Variants in ZC3H12B observed in about 807,000 individuals in gnomAD.
The protein encoded by ZC3H12B is probable ribonuclease ZC3H12B.
In ZC3H12B, 7 loss-of-function variants were observed where a neutral mutation model predicts 43.9. That is an observed-to-expected ratio of 0.16 (90% CI 0.09 to 0.30). The LOEUF is 0.30. ZC3H12B is among the 10% of genes least tolerant of loss of function. The probability of loss-of-function intolerance (pLI) is 1.00; values close to 1 mark genes in which losing one functional copy is unlikely to be tolerated. For missense variants in ZC3H12B, 475 were observed against 670.2 expected (o/e 0.71, Z 3.22); for synonymous variants, 222 against 241.7 (o/e 0.92, Z 0.76).
chrX:65,171,926 G>A, the ZC3H12B span, among the ~76,000 whole-genome samples: 1 of 111,499 alleles, frequency 9.0e-6, no homozygotes, highest in Non-Finnish European at 1.9e-5. Context: ...CCCAATTTTC[G>A]AGGTACCATC....
chrX:65,246,581 G>T, the ZC3H12B span, among the ~76,000 whole-genome samples: 10 of 111,960 alleles, frequency 8.9e-5, no homozygotes, highest in African/African-American at 3.2e-4. Context: ...CAATGGAACA[G>T]AATAGAGAAC....
At chrX:65,085,683 G>T in the ZC3H12B span, among the ~76,000 whole-genome samples, 1 of 109,810 alleles carries the variant, frequency 9.1e-6, no homozygotes, top group Non-Finnish European at 1.9e-5. Flanking sequence ...AAGATGGGAG[G>T]ATCTCTAGAG....
At chrX:65,342,249 G>C in the ZC3H12B span, among the ~76,000 whole-genome samples, 2 of 111,483 alleles carry the variant, frequency 1.8e-5, no homozygotes, top group African/African-American at 6.5e-5. Context: ...CAACACAGGA[G>C]CACCTGGATT....
chrX:65,372,795 C>T (rs187214392), intron 2 of ZC3H12B, among the ~76,000 whole-genome samples: 8 of 112,396 alleles, frequency 7.1e-5, no homozygotes, highest in African/African-American at 1.9e-4. Context: ...CACAAGTATG[C>T]ATCAAGGTCA....
At chrX:65,487,558 A>G (rs757344274), upstream of ZC3H12B, among the ~76,000 whole-genome samples, 4 of 111,871 alleles carry the variant, frequency 3.6e-5, no homozygotes, top group Non-Finnish European at 7.5e-5. Context: ...AAACCAAAAA[A>G]AAACAAAAAA....
intron 3 of ZC3H12B, among the ~76,000 whole-genome samples, chrX:65,449,309 A>C (rs995768318): frequency 9.0e-6 from 1 of 111,177 alleles, no homozygotes; most frequent in Non-Finnish European, 1.9e-5. Context: ...AACTTAAAAT[A>C]CATGTTGAAG....
chrX:65,507,417 C>T (rs2068436545), exon 5 of ZC3H12B: 1 of 112,347 alleles, frequency 8.9e-6, no homozygotes, highest in South Asian at 3.7e-4. Context: ...ATTTCTGGAA[C>T]CTGCTCGTCT....
rs960262230 is a variant in ZC3H12B, at chrX:65,472,381, TG to T, written n.408-16264del. 1.5e-4 allele frequency among the ~76,000 whole-genome samples: 13 copies of T among 87,724 alleles called. No homozygotes were observed. The South Asian group carries it at 2.7e-3, about 18-fold the overall frequency. The allele number at this position is 87,724 out of a possible 115,157, so 76.2% of individuals were successfully genotyped here. A position where few individuals can be genotyped will look rare whatever the true frequency, so the allele number is the denominator to read the frequency against. On this transcript the variant is annotated intron_variant and non_coding_transcript_variant, in intron 3 of 5. Coordinates refer to the ZC3H12B transcript ENST00000617377. The stretch of plus-strand genomic sequence containing the variant: ...ATTGTTCCCTTTACTGTACAGAAGT[TG>T]TTTTTTTTGTTTTTTTTGTTTGTTT...
intron 3 of ZC3H12B, among the ~76,000 whole-genome samples, chrX:65,418,905 A>G (rs2066989046): frequency 8.9e-6 from 1 of 111,898 alleles, no homozygotes; most frequent in African/African-American, 3.3e-5. Context: ...AAAGGGACCT[A>G]TGGCCTTTTA....
At chrX:65,050,389 A>T in the ZC3H12B span, among the ~76,000 whole-genome samples, 20 of 108,208 alleles carry the variant, frequency 1.8e-4, no homozygotes, top group African/African-American at 6.0e-4. Flanking sequence ...GGATGTTTTC[A>T]TTTTTTTTTC....
the ZC3H12B span, among the ~76,000 whole-genome samples, chrX:65,340,819 C>G: frequency 2.7e-5 from 3 of 112,192 alleles, no homozygotes; most frequent in African/African-American, 9.7e-5. Context: ...CTCAAATGAC[C>G]AAACTACCTC....
At chrX:65,132,825 C>T in the ZC3H12B span, among the ~76,000 whole-genome samples, 1 of 110,839 alleles carries the variant, frequency 9.0e-6, no homozygotes, top group Non-Finnish European at 1.9e-5. Flanking sequence ...GACGGACTTA[C>T]CCTCCACTGT....
At chrX:65,205,560 C>T in the ZC3H12B span, among the ~76,000 whole-genome samples, 2 of 111,606 alleles carry the variant, frequency 1.8e-5, no homozygotes, top group Admixed American at 9.6e-5. Context: ...GACAAATCCA[C>T]AGCCAACATG....
At chrX:65,263,745 C>A in the ZC3H12B span, among the ~76,000 whole-genome samples, 1 of 111,359 alleles carries the variant, frequency 9.0e-6, no homozygotes, top group Admixed American at 9.6e-5. Flanking sequence ...CTATAGAAAA[C>A]ATTGTGCAGA....
At chrX:65,276,510 A>T in the ZC3H12B span, among the ~76,000 whole-genome samples, 2 of 111,754 alleles carry the variant, frequency 1.8e-5, no homozygotes, top group African/African-American at 3.2e-5. Context: ...CTCATCAGAA[A>T]CTTTACAGGC....
chrX:65,309,603 C>T, the ZC3H12B span, among the ~76,000 whole-genome samples: 1 of 111,818 alleles, frequency 8.9e-6, no homozygotes, highest in Admixed American at 9.5e-5. Context: ...CTGAAACTTC[C>T]AATCAATAGA....
the ZC3H12B span, among the ~76,000 whole-genome samples, chrX:65,250,745 G>T: frequency 4.5e-5 from 5 of 112,171 alleles, no homozygotes; most frequent in East Asian, 5.6e-4. Flanking sequence ...CTTTTGAGAA[G>T]TGTCTGTTGA....
At chrX:65,202,553 T>G in the ZC3H12B span, among the ~76,000 whole-genome samples, 1 of 110,636 alleles carries the variant, frequency 9.0e-6, no homozygotes, top group Non-Finnish European at 1.9e-5. Context: ...CAGATACTCT[T>G]GTTCTCTTCC....
chrX:65,171,741 G>C, the ZC3H12B span, among the ~76,000 whole-genome samples: 1 of 110,868 alleles, frequency 9.0e-6, no homozygotes, highest in African/African-American at 3.3e-5. Context: ...CTCAGCAATG[G>C]TGGACGCCCC....
Sources: gnomAD v4.1 joint callset for allele counts (sites outside exome capture counted in the v4.1 genomes callset) on GRCh38, gnomAD v4.1.1 for gene constraint, MANE v1.5 for transcripts, NCBI Gene and HGNC (gene_info 2026-07-23, HGNC 2026-07-21) for gene names.